CNGA3: variants seen among roughly 807,000 people sequenced by gnomAD.
CNGA3 encodes cyclic nucleotide-gated channel alpha-3.
In CNGA3, 42 loss-of-function variants were observed where a neutral mutation model predicts 46.6. The ratio of observed to expected loss-of-function variants is 0.90; its 90% CI spans 0.70 to 1.17. The LOEUF is 1.17. CNGA3 is among the 50% of genes most tolerant of loss of function. The probability of loss-of-function intolerance (pLI) is 0.00; values close to 1 mark genes in which losing one functional copy is unlikely to be tolerated. For missense variants in CNGA3, 893 were observed against 890.7 expected, an observed-to-expected ratio of 1.00 and a Z score of -0.03; for synonymous variants, 394 against 369.4, an observed-to-expected ratio of 1.07 and a Z score of -0.76.
intron 1 of CNGA3, among the ~76,000 whole-genome samples, chr2:98,360,486 AG>A (rs1692005622): frequency 6.6e-6 from 1 of 152,216 alleles, no homozygotes; most frequent in Admixed American, 6.5e-5. Flanking sequence ...AACTTCTTTG[AG>A]ACTTGCTCTG....
intron 1 of CNGA3, among the ~76,000 whole-genome samples, chr2:98,366,727 C>A (rs1202934774): frequency 6.6e-6 from 1 of 152,214 alleles, no homozygotes; most frequent in South Asian, 2.1e-4. Context: ...ACTGCCCAGT[C>A]TCCACGACTC....
chr2:98,357,298 A>C (rs534903114), intron 1 of CNGA3, among the ~76,000 whole-genome samples: 2 of 152,372 alleles, frequency 1.3e-5, no homozygotes, highest in South Asian at 2.1e-4. Context: ...TGCAAAAGTC[A>C]CAGCTGAATC....
At chr2:98,354,200 T>C (rs1691829497) in intron 1 of CNGA3, among the ~76,000 whole-genome samples, 2 of 152,234 alleles carry the variant, frequency 1.3e-5, no homozygotes, top group South Asian at 4.1e-4. Flanking sequence ...TTTGTTTTAT[T>C]TTTATTGTTG....
intron 4 of CNGA3, 77 bp from the exon 5 acceptor site, chr2:98,383,311 G>T (rs1020568271): frequency 7.3e-7 from 1 of 1,365,164 alleles, no homozygotes; most frequent in Non-Finnish European, 1.0e-6. Context: ...GGTGGGGCAT[G>T]GTAATCCCCT....
chr2:98,346,468 A>C lies in CNGA3; in HGVS notation c.-104A>C. The C allele has an allele frequency of 2.5e-6, 1 of 398,538 alleles. No homozygotes were observed. Among genetic ancestry groups the C allele is most frequent in the Non-Finnish European group, 4.4e-6 (1 of 226,118 alleles). The allele number at this position is 398,538 out of a possible 1,614,324, so 24.7% of individuals were successfully genotyped here. ...GGAGGGAGCGAGCGGAACTGCGCCT[A>C]GGAGGCCGAGGGAGGAGGCGCTCCG... is the stretch of plus-strand genomic sequence containing the variant. On this transcript the variant is annotated 5_prime_UTR_variant, in exon 1 of 8. Coordinates refer to ENST00000272602, the MANE Select transcript of CNGA3 (RefSeq NM_001298.3).
At chr2:98,379,092 C>T (rs958965472) in intron 3 of CNGA3, among the ~76,000 whole-genome samples, 6 of 152,250 alleles carry the variant, frequency 3.9e-5, no homozygotes, top group African/African-American at 1.4e-4. Context: ...ACCTTGGTTC[C>T]ACCCTCTTGG....
rs187829208 is a variant in CNGA3 at position 98,382,301 on chromosome 2, C to T, written c.396-1087C>T. ...GTGTGGGCTTGGCTTTGTGGGGTTA[C>T]GGGCACAGAGGCATGGTGAACACAG... is the stretch of plus-strand genomic sequence containing the variant. On this transcript the variant is annotated intron_variant, in intron 4 of 7. Coordinates refer to ENST00000272602, the MANE Select transcript of CNGA3 (RefSeq NM_001298.3). Among the ~76,000 whole-genome samples the T allele has an allele frequency of 6.6e-5, 10 of 152,284 alleles. No homozygotes were observed. In the East Asian group the frequency reaches 1.3e-3, roughly 21 times the overall value.
chr2:98,368,643 G>A (rs1468189746), intron 1 of CNGA3, among the ~76,000 whole-genome samples: 2 of 152,172 alleles, frequency 1.3e-5, no homozygotes, highest in East Asian at 1.9e-4. Flanking sequence ...ATCAAGACAG[G>A]GGAATTGCAA....
chr2:98,365,430 T>C (rs1448269700), intron 1 of CNGA3, among the ~76,000 whole-genome samples: 1 of 152,188 alleles, frequency 6.6e-6, no homozygotes, highest in African/African-American at 2.4e-5. Flanking sequence ...TCTCTGGATT[T>C]CCTGAATTTG....
chr2:98,357,863 T>C (rs1691921851), intron 1 of CNGA3, among the ~76,000 whole-genome samples: 1 of 152,244 alleles, frequency 6.6e-6, no homozygotes, highest in African/African-American at 2.4e-5. Flanking sequence ...TTTTGAAAAT[T>C]AAAATTCCAT....
At chr2:98,347,089 C>G (rs2106062580) in intron 1 of CNGA3, 1 of 152,476 alleles carries the variant, frequency 6.6e-6, no homozygotes, top group South Asian at 2.1e-4. Context: ...GAGTCAGTGG[C>G]CTGGAGGGAG....
At chr2:98,383,023 G>A (rs979316947) in intron 4 of CNGA3, among the ~76,000 whole-genome samples, 3 of 152,294 alleles carry the variant, frequency 2.0e-5, no homozygotes, top group South Asian at 2.1e-4. Flanking sequence ...CAGAGGCCAC[G>A]CAGGGTCCAT....
At chr2:98,357,847 T>C (rs1057290934) in intron 1 of CNGA3, among the ~76,000 whole-genome samples, 1 of 152,262 alleles carries the variant, frequency 6.6e-6, no homozygotes, top group Non-Finnish European at 1.5e-5. Context: ...TGCATCTTCT[T>C]GCTAGTTTTG....
chr2:98,377,482 C>T (rs1050783315), intron 2 of CNGA3: 4 of 583,154 alleles, frequency 6.9e-6, no homozygotes, highest in Non-Finnish European at 9.4e-6. Context: ...AGCTACCTTC[C>T]TTGCTGTAAA....
chr2:98,392,741 G>A (rs1692823109), intron 7 of CNGA3, among the ~76,000 whole-genome samples: 1 of 152,182 alleles, frequency 6.6e-6, no homozygotes, highest in Non-Finnish European at 1.5e-5. Flanking sequence ...TACAGGACAT[G>A]TTACTCCGTG....
chr2:98,377,965 T>C, intron 3 of CNGA3, 165 bp downstream of exon 3: 1 of 1,411,178 alleles, frequency 7.1e-7, no homozygotes, highest in South Asian at 1.4e-5. Flanking sequence ...TAATTTCCTC[T>C]TGGGTCAGAT....
chr2:98,371,878 A>G (rs1692296309), intron 2 of CNGA3, among the ~76,000 whole-genome samples: 1 of 152,248 alleles, frequency 6.6e-6, no homozygotes, highest in Non-Finnish European at 1.5e-5. Context: ...GAGGCACAGC[A>G]TAACATCACG....
At chr2:98,384,195 C>T (rs887510443) in intron 5 of CNGA3, among the ~76,000 whole-genome samples, 1 of 152,138 alleles carries the variant, frequency 6.6e-6, no homozygotes, top group African/African-American at 2.4e-5. Flanking sequence ...GCCTGAAGTT[C>T]CCGTGTTTTA....
chr2:98,378,105 C>G, intron 3 of CNGA3: 2 of 1,550,894 alleles, frequency 1.3e-6, no homozygotes, highest in Non-Finnish European at 1.7e-6. Flanking sequence ...GTGGTAAGAG[C>G]AGCCAGCCGT....
Sources: allele counts gnomAD v4.1 joint callset (sites outside exome capture counted in the v4.1 genomes callset), GRCh38; gene constraint gnomAD v4.1.1; transcripts MANE v1.5; gene names NCBI Gene and HGNC (gene_info 2026-07-23, HGNC 2026-07-21).